The following DNAJC11 variants were observed in gnomAD, a reference collection of about 807,000 sequenced individuals.
The protein encoded by DNAJC11 is dnaJ homolog subfamily C member 11.
Under a neutral mutation model 78.6 loss-of-function variants are expected in DNAJC11, and 15 were observed. The ratio of observed to expected loss-of-function variants is 0.19; its 90% CI spans 0.13 to 0.29. The LOEUF is 0.29. DNAJC11 is among the 10% of genes least tolerant of loss of function. DNAJC11 has a pLI of 1.00. For synonymous variants in DNAJC11, 292 were observed against 272.1 expected (o/e 1.07, Z -0.72); for missense variants, 547 against 709.6 (o/e 0.77, Z 2.60).
intron 1 of DNAJC11, among the ~76,000 whole-genome samples, chr1:6,692,152 A>G (rs552568479): frequency 6.6e-6 from 1 of 152,378 alleles, no homozygotes; most frequent in East Asian, 1.9e-4. Context: ...ATAATGCAAA[A>G]TTAGAGCATT....
intron 1 of DNAJC11, among the ~76,000 whole-genome samples, chr1:6,688,056 G>A (rs751110964): frequency 2.0e-5 from 3 of 152,150 alleles, no homozygotes; most frequent in Non-Finnish European, 4.4e-5. Context: ...CATTAGTGGT[G>A]CTAGTGCAAA....
chr1:6,665,256 T>C lies in DNAJC11; in HGVS notation c.378+2453A>G, dbSNP rs1642277738. Among the ~76,000 whole-genome samples the C allele has an allele frequency of 2.6e-5, 4 of 152,256 alleles. No individual in the cohort carries two copies. In the South Asian group the frequency reaches 8.3e-4, roughly 32 times the overall value. ...CTAATTTGTAAATATTTTGTAGAGA[T>C]GGGGGTCTTGTTATATTGCACAGGC... On this transcript the variant is annotated intron_variant, in intron 4 of 15. Coordinates refer to ENST00000377577, the MANE Select transcript of DNAJC11 (RefSeq NM_018198.4).
At chr1:6,642,906 G>C (rs902694383) in intron 10 of DNAJC11, among the ~76,000 whole-genome samples, 3 of 152,160 alleles carry the variant, frequency 2.0e-5, no homozygotes, top group African/African-American at 7.2e-5. Context: ...GAGTCCTCAG[G>C]GCATGAGAGC....
rs191390015 is a variant in DNAJC11, at chr1:6,664,534, G to A, written c.378+3175C>T. 2.2e-4 allele frequency among the ~76,000 whole-genome samples: 34 copies of A among 152,204 alleles called. No homozygotes were observed. The South Asian group carries it at 4.3e-3, about 19-fold the overall frequency. The stretch of plus-strand genomic sequence containing the variant: ...ATTACAAGCGTGAGCCACTGCGCCC[G>A]GCCTCAAGGGCCATTTACAAATCCC... On this transcript the variant is annotated intron_variant, in intron 4 of 15. Coordinates refer to ENST00000377577, the MANE Select transcript of DNAJC11 (RefSeq NM_018198.4).
intron 3 of DNAJC11, among the ~76,000 whole-genome samples, chr1:6,673,707 C>G (rs527990891): frequency 6.6e-6 from 1 of 152,152 alleles, no homozygotes; most frequent in Admixed American, 6.5e-5. Context: ...AGATTTTCTA[C>G]GAACATCCTT....
intron 10 of DNAJC11, among the ~76,000 whole-genome samples, chr1:6,642,180 G>A (rs958782537): frequency 1.3e-5 from 2 of 152,144 alleles, no homozygotes; most frequent in African/African-American, 2.4e-5. Context: ...ACTACATCAC[G>A]GAGGGCATTG....
intron 1 of DNAJC11, among the ~76,000 whole-genome samples, chr1:6,697,952 G>A (rs917880986): frequency 5.9e-5 from 9 of 152,068 alleles, no homozygotes; most frequent in South Asian, 2.1e-4. Flanking sequence ...CACCACGCCC[G>A]GCTAATTTTT....
chr1:6,695,802 C>T (rs1642826894), intron 1 of DNAJC11, among the ~76,000 whole-genome samples: 1 of 146,870 alleles, frequency 6.8e-6, no homozygotes, highest in African/African-American at 2.5e-5. Context: ...TGTGAGACTC[C>T]ATCTCAAAAA....
At chr1:6,686,238 AG>A (rs1319575238) in intron 1 of DNAJC11, among the ~76,000 whole-genome samples, 27 of 152,198 alleles carry the variant, frequency 1.8e-4, no homozygotes, top group African/African-American at 6.3e-4. Flanking sequence ...AAGAATGTAA[AG>A]GAATAACTTA....
chr1:6,673,216 A>AG (rs1642408628), intron 3 of DNAJC11, among the ~76,000 whole-genome samples: 1 of 150,684 alleles, frequency 6.6e-6, no homozygotes, highest in Non-Finnish European at 1.5e-5. Flanking sequence ...AAAAAAAAAA[A>AG]AAAGGAAAAG....
intron 1 of DNAJC11, among the ~76,000 whole-genome samples, chr1:6,701,283 C>T (rs895900466): frequency 6.6e-6 from 1 of 152,194 alleles, no homozygotes; most frequent in African/African-American, 2.4e-5. Flanking sequence ...AAGGACGTTC[C>T]CTAGTGGCCT....
At chr1:6,638,268 G>A (rs182172432) in intron 12 of DNAJC11, 27 bp downstream of exon 12, 39 of 1,606,076 alleles carry the variant, frequency 2.4e-5, no homozygotes, top group Admixed American at 5.0e-5. Context: ...TACAGCCCTC[G>A]CTTGGGAACG....
intron 10 of DNAJC11, among the ~76,000 whole-genome samples, chr1:6,642,379 C>T (rs546971890): frequency 2.2e-4 from 33 of 152,206 alleles, no homozygotes; most frequent in African/African-American, 7.9e-4. Context: ...AGATGCTGGC[C>T]GCAGTGAGGT....
chr1:6,672,323 CA>C (rs1208669886), intron 3 of DNAJC11, among the ~76,000 whole-genome samples: 1 of 152,128 alleles, frequency 6.6e-6, no homozygotes, highest in East Asian at 1.9e-4. Context: ...ATCCTGGACT[CA>C]AACCCTGTAG....
intron 4 of DNAJC11, among the ~76,000 whole-genome samples, chr1:6,658,124 T>C (rs928698394): frequency 4.6e-5 from 7 of 152,180 alleles, no homozygotes; most frequent in Non-Finnish European, 8.8e-5. Flanking sequence ...GATCGTGAGA[T>C]TGCAGCAATG....
chr1:6,639,390 C>T lies in DNAJC11; in HGVS notation c.1253+512G>A, dbSNP rs184055514. 1.0e-4 allele frequency among the ~76,000 whole-genome samples: 15 copies of T among 148,694 alleles called. 1 individual carries two copies. Among genetic ancestry groups the T allele is most frequent in the African/African-American group, 3.0e-4 (12 of 40,210 alleles). On this transcript the variant is annotated intron_variant, in intron 11 of 15. Transcript: ENST00000377577. ...TGTCACCCAGGCTGGAGTGCAATGGCGCAATCTAGGCTCACTGCAACATCC... is the reference window on the plus strand; with the variant it reads ...TGTCACCCAGGCTGGAGTGCAATGGTGCAATCTAGGCTCACTGCAACATCC...
intron 4 of DNAJC11, among the ~76,000 whole-genome samples, chr1:6,661,666 T>C (rs912873803): frequency 6.6e-6 from 1 of 152,086 alleles, no homozygotes; most frequent in African/African-American, 2.4e-5. Flanking sequence ...AGACGGTAAA[T>C]TGCCCCTTCC....
At chr1:6,690,384 C>T (rs111543843) in intron 1 of DNAJC11, among the ~76,000 whole-genome samples, 4 of 152,280 alleles carry the variant, frequency 2.6e-5, no homozygotes, top group Non-Finnish European at 2.9e-5. Flanking sequence ...AAAAGCTCTA[C>T]GACAGTAAAA....
rs146188191 is a variant in DNAJC11, at chr1:6,659,636, C to T, written c.379-5597G>A. On this transcript the variant is annotated intron_variant, in intron 4 of 15. Coordinates refer to ENST00000377577, the MANE Select transcript of DNAJC11 (RefSeq NM_018198.4). ...CATGAGCCGGGCATGGTGGCATGCA[C>T]CTGTAGTCCCAGCTACTCGGAGGCT... Among the ~76,000 whole-genome samples, 506 of 152,300 alleles carry T rather than the reference C, an allele frequency of 3.3e-3. 5 individuals are homozygous for T. The highest frequency in any genetic ancestry group is 0.012 in the African/African-American group (491 of 41,564).
Sources: gnomAD v4.1 joint callset for allele counts (sites outside exome capture counted in the v4.1 genomes callset) on GRCh38, gnomAD v4.1.1 for gene constraint, MANE v1.5 for transcripts, NCBI Gene and HGNC (gene_info 2026-07-23, HGNC 2026-07-21) for gene names.